SUGT1: variants seen among roughly 807,000 people sequenced by gnomAD.
SUGT1 encodes SGT1 assembly cochaperone of MIS12 kinetochore complex.
SUGT1 carries 15 observed loss-of-function variants against 56.1 expected under a neutral mutation model. That is an observed-to-expected ratio of 0.27 (90% CI 0.18 to 0.41). The LOEUF (loss-of-function observed/expected upper bound fraction) is 0.41. SUGT1 is among the 10% of genes least tolerant of loss of function. SUGT1 has a pLI of 1.00. For missense variants in SUGT1, 347 were observed against 382.2 expected, an observed-to-expected ratio of 0.91 and a Z score of 0.77; for synonymous variants, 123 against 128.6, an observed-to-expected ratio of 0.96 and a Z score of 0.30.
chr13:52,661,294 T>A (rs1471812222), intron 5 of SUGT1, among the ~76,000 whole-genome samples: 2 of 152,150 alleles, frequency 1.3e-5, no homozygotes, highest in Non-Finnish European at 2.9e-5. Context: ...TTTGGGGTTT[T>A]TTTTTGTTTT....
At position 52,695,404 on chromosome 13, in the gene SUGT1, C is replaced by A. The variant is rs532281342; in HGVS notation, c.*7569C>A. 3 of 152,212 alleles carry A rather than the reference C, an allele frequency of 2.0e-5. No individual in the cohort carries two copies. The highest frequency in any genetic ancestry group is 3.9e-4 in the East Asian group (2 of 5,180). The allele number at this position is 152,212 out of a possible 1,614,324, so 9.4% of individuals were successfully genotyped here. A position where few individuals can be genotyped will look rare whatever the true frequency, so the allele number is the denominator to read the frequency against. Reference sequence around the variant, plus strand: ...CTTAAAATCCCAGTTCTGATACTTTCATAATTGTGTGTTTTGAGGGCAAGT... The same window carrying A: ...CTTAAAATCCCAGTTCTGATACTTTAATAATTGTGTGTTTTGAGGGCAAGT... On this transcript the variant is annotated 3_prime_UTR_variant, in exon 13 of 13. Transcript: ENST00000310528.
intron 12 of SUGT1, among the ~76,000 whole-genome samples, chr13:52,685,720 A>G (rs1963558706): frequency 6.6e-6 from 1 of 152,198 alleles, no homozygotes. Context: ...TGTCCTTGTG[A>G]GAATATGAAA....
rs1178966403 is a variant in SUGT1, at chr13:52,691,493, T to C, written c.*3658T>C. ...CACTGACCCAGAGCAAAATTGCATA[T>C]TAGTTTACCATCTAATCAGCCTAAT... is the stretch of plus-strand genomic sequence containing the variant. On this transcript the variant is annotated 3_prime_UTR_variant, in exon 13 of 13. Transcript: ENST00000310528. 1 of 152,230 alleles carries C rather than the reference T, an allele frequency of 6.6e-6. No homozygotes were observed. Among genetic ancestry groups the C allele is most frequent in the African/African-American group, 2.4e-5 (1 of 41,458 alleles). 9.4% of individuals were successfully genotyped at this position (152,230 alleles called of 1,614,324 possible). A position where few individuals can be genotyped will look rare whatever the true frequency, so the allele number is the denominator to read the frequency against.
chr13:52,670,582 G>A (rs1229785433), intron 10 of SUGT1, among the ~76,000 whole-genome samples: 2 of 152,112 alleles, frequency 1.3e-5, no homozygotes, highest in African/African-American at 2.4e-5. Context: ...CAAGGCGGTC[G>A]GATCACTTGA....
At chr13:52,672,290 G>A (rs543676618) in intron 10 of SUGT1, among the ~76,000 whole-genome samples, 2 of 152,192 alleles carry the variant, frequency 1.3e-5, no homozygotes, top group East Asian at 3.9e-4. Flanking sequence ...GAATCTTTTT[G>A]TTTATGGGAA....
Position 52,666,794 on chromosome 13 carries a change from T to C in SUGT1, c.520-18T>C. The C allele has an allele frequency of 6.5e-7, 1 of 1,543,460 alleles. No homozygotes were observed. Among genetic ancestry groups the C allele is most frequent in the South Asian group, 1.1e-5 (1 of 89,054 alleles). On this transcript the variant is annotated intron_variant, in intron 9 of 12. Transcript: ENST00000310528. Reference sequence around the variant, plus strand: ...TATATACATTTACAAAATGTGATGCTAATTTTGTGTTCATTAGTTGTCTGC... The same window carrying C: ...TATATACATTTACAAAATGTGATGCCAATTTTGTGTTCATTAGTTGTCTGC...
chr13:52,682,758 G>A (rs1963426549), intron 12 of SUGT1, among the ~76,000 whole-genome samples: 1 of 152,180 alleles, frequency 6.6e-6, no homozygotes, highest in African/African-American at 2.4e-5. Flanking sequence ...ACTGTCTTAA[G>A]CTGTAGCTGT....
At chr13:52,653,386 AT>A (rs3837576) in intron 2 of SUGT1, among the ~76,000 whole-genome samples, 131,893 of 151,722 alleles carry the variant, frequency 0.87, 57,606 homozygotes, top group African/African-American at 0.95. Context: ...GGCTGAAAGG[AT>A]TTTTTTTTTA....
At chr13:52,685,129 C>T (rs1293012884) in intron 12 of SUGT1, among the ~76,000 whole-genome samples, 11 of 150,540 alleles carry the variant, frequency 7.3e-5, no homozygotes, top group South Asian at 4.2e-4. Context: ...TACAGAGGTG[C>T]GATCATGAAT....
rs143908996 is a variant in SUGT1, at chr13:52,676,010, A to T, written c.628-220A>T. Among the ~76,000 whole-genome samples, 3 of 152,328 alleles carry T rather than the reference A, an allele frequency of 2.0e-5. No individual in the cohort carries two copies. In the East Asian group the frequency reaches 5.8e-4, roughly 29 times the overall value. ...ATGTATTTCAAGTCTCTTCTTGATTATAGCTTATATATAGTGTGTATGTTG... is the reference window on the plus strand; with the variant it reads ...ATGTATTTCAAGTCTCTTCTTGATTTTAGCTTATATATAGTGTGTATGTTG... On this transcript the variant is annotated intron_variant, in intron 10 of 12. Coordinates refer to ENST00000310528, the MANE Select transcript of SUGT1 (RefSeq NM_006704.5).
At chr13:52,659,279 CTT>C (rs1962313073) in intron 5 of SUGT1, 30 bp downstream of exon 5, 1 of 1,323,250 alleles carries the variant, frequency 7.6e-7, no homozygotes, top group South Asian at 1.6e-5. Context: ...CTTTAATAAA[CTT>C]ATCTATTTCT....
intron 10 of SUGT1, among the ~76,000 whole-genome samples, chr13:52,673,350 G>C (rs561122316): frequency 6.6e-6 from 1 of 151,716 alleles, no homozygotes. Context: ...GGGCTCATGT[G>C]ATCCTCCCAC....
At chr13:52,659,754 G>A (rs1416966059) in intron 5 of SUGT1, among the ~76,000 whole-genome samples, 1 of 139,184 alleles carries the variant, frequency 7.2e-6, no homozygotes, top group Non-Finnish European at 1.5e-5. Context: ...ACAGTGGTGT[G>A]GATATCTAGA....
intron 10 of SUGT1, among the ~76,000 whole-genome samples, chr13:52,675,603 G>A (rs1297310257): frequency 6.6e-6 from 1 of 152,108 alleles, no homozygotes; most frequent in African/African-American, 2.4e-5. Context: ...ATCTCCCACA[G>A]CCTTGAAGAC....
intron 12 of SUGT1, among the ~76,000 whole-genome samples, chr13:52,684,908 CT>C (rs71094314): frequency 0.95 from 138,531 of 145,434 alleles, 65,970 homozygotes; most frequent in East Asian, 0.99. Flanking sequence ...TTTGTTGGGA[CT>C]TTTTTTTTTT....
intron 10 of SUGT1, among the ~76,000 whole-genome samples, chr13:52,674,306 C>T (rs999929713): frequency 6.6e-6 from 1 of 151,916 alleles, no homozygotes; most frequent in Non-Finnish European, 1.5e-5. Context: ...CCTGCCTCGG[C>T]CTCCTAAGGT....
intron 2 of SUGT1, among the ~76,000 whole-genome samples, chr13:52,654,679 T>TCATA (rs1472403895): frequency 2.0e-5 from 3 of 152,228 alleles, no homozygotes; most frequent in Non-Finnish European, 4.4e-5. Flanking sequence ...ATAAACAGAA[T>TCATA]CATACAGTAG....
intron 11 of SUGT1, 60 bp from the exon 12 acceptor site, chr13:52,679,914 A>C (rs151214407): frequency 1.6e-4 from 233 of 1,494,906 alleles, no homozygotes; most frequent in Middle Eastern, 2.1e-4. Flanking sequence ...CAAAGTTTAC[A>C]TATTCTCGAC....
At position 52,695,212 on chromosome 13, in the gene SUGT1, A is replaced by T. The variant is rs946339743; in HGVS notation, c.*7377A>T. 8 of 152,194 alleles carry T rather than the reference A, an allele frequency of 5.3e-5. No homozygotes were observed. Among genetic ancestry groups the T allele is most frequent in the African/African-American group, 1.7e-4 (7 of 41,450 alleles). The allele number at this position is 152,194 out of a possible 1,614,324, so 9.4% of individuals were successfully genotyped here. The stretch of plus-strand genomic sequence containing the variant: ...CATAAGTAATGAGCTTAGGCTGAGG[A>T]TATATATCCAGTGGGGGATGAAACA... On this transcript the variant is annotated 3_prime_UTR_variant, in exon 13 of 13. Coordinates refer to ENST00000310528, the MANE Select transcript of SUGT1 (RefSeq NM_006704.5).
Sources: allele counts gnomAD v4.1 joint callset (sites outside exome capture counted in the v4.1 genomes callset), GRCh38; gene constraint gnomAD v4.1.1; transcripts MANE v1.5; gene names NCBI Gene and HGNC (gene_info 2026-07-23, HGNC 2026-07-21).